Variants in MAP3K5 observed in about 807,000 individuals in gnomAD.
MAP3K5 encodes the protein mitogen-activated protein kinase kinase kinase 5, also known as ASK-1.
Under a neutral mutation model 158.7 loss-of-function variants are expected in MAP3K5, and 56 were observed. The ratio of observed to expected loss-of-function variants is 0.35; its 90% CI spans 0.28 to 0.44. The LOEUF (loss-of-function observed/expected upper bound fraction) is 0.44, where lower values mean the gene tolerates loss of function less well. Among genes scored for constraint, MAP3K5 ranks in the 20% least tolerant of loss-of-function variants. MAP3K5 has a pLI of 1.00. For missense variants in MAP3K5, 1,294 were observed against 1,674.8 expected, an observed-to-expected ratio of 0.77 and a Z score of 3.97; for synonymous variants, 579 against 601.7, an observed-to-expected ratio of 0.96 and a Z score of 0.55.
intron 7 of MAP3K5, among the ~76,000 whole-genome samples, chr6:136,678,457 G>A (rs1474986989): frequency 6.6e-6 from 1 of 151,778 alleles, no homozygotes; most frequent in East Asian, 1.9e-4. Flanking sequence ...TTTAGCAAAA[G>A]GATACATAAA....
In MAP3K5 at chr6:136,707,871, C is replaced by A. The variant is rs6929409; in HGVS notation, c.589-2738G>T. Among the ~76,000 whole-genome samples, 552 of 152,260 alleles carry A rather than the reference C, an allele frequency of 3.6e-3. 3 individuals are homozygous for A. Among genetic ancestry groups the A allele is most frequent in the Middle Eastern group, 0.014 (4 of 294 alleles). On this transcript the variant is annotated intron_variant, in intron 2 of 29. Transcript: ENST00000359015. ...CCTCCATACACTGGAATACATTACA[C>A]CCAAACAAACAATGAAGAACCAAAC... is the stretch of plus-strand genomic sequence containing the variant.
chr6:136,689,074 A>G (rs1356681407), intron 7 of MAP3K5, among the ~76,000 whole-genome samples: 1 of 152,094 alleles, frequency 6.6e-6, no homozygotes, highest in Non-Finnish European at 1.5e-5. Context: ...CTGAGGCAGG[A>G]GGATCACTTG....
intron 7 of MAP3K5, among the ~76,000 whole-genome samples, chr6:136,688,133 G>C (rs1408063724): frequency 2.0e-5 from 3 of 152,134 alleles, no homozygotes; most frequent in Non-Finnish European, 4.4e-5. Context: ...CATGGATGAA[G>C]CTGGAAACCA....
chr6:136,639,503 G>T (rs1217085900), intron 13 of MAP3K5, 40 bp downstream of exon 13: 2 of 1,135,534 alleles, frequency 1.8e-6, no homozygotes, highest in South Asian at 2.7e-5. Context: ...TAATGATCAG[G>T]TAAGAAGAAT....
At chr6:136,596,574 CAT>C (rs558525047) in intron 21 of MAP3K5, among the ~76,000 whole-genome samples, 92 of 152,212 alleles carry the variant, frequency 6.0e-4, no homozygotes, top group African/African-American at 2.1e-3. Context: ...GACATTAGAG[CAT>C]GTGTATATGG....
At chr6:136,644,713 T>G (rs558087066) in intron 11 of MAP3K5, among the ~76,000 whole-genome samples, 42 of 152,346 alleles carry the variant, frequency 2.8e-4, no homozygotes, top group African/African-American at 8.7e-4. Flanking sequence ...AACTGATTAG[T>G]CTAAATTGGC....
chr6:136,561,071 G>T (rs1830490354), intron 28 of MAP3K5, among the ~76,000 whole-genome samples: 1 of 151,458 alleles, frequency 6.6e-6, no homozygotes, highest in Non-Finnish European at 1.5e-5. Flanking sequence ...ACTCTTTCTG[G>T]TTTTCATTTC....
chr6:136,565,349 AG>A (rs540959848), intron 26 of MAP3K5, among the ~76,000 whole-genome samples: 107 of 152,354 alleles, frequency 7.0e-4, no homozygotes, highest in African/African-American at 2.4e-3. Context: ...TTGGATGGGC[AG>A]GGGTGATGAG....
chr6:136,616,224 T>C (rs1174332012), intron 15 of MAP3K5, among the ~76,000 whole-genome samples: 1 of 151,898 alleles, frequency 6.6e-6, no homozygotes, highest in East Asian at 1.9e-4. Context: ...GTAATGACTC[T>C]CAACTATAAG....
At chr6:136,729,127 T>G (rs541349055) in intron 1 of MAP3K5, among the ~76,000 whole-genome samples, 1 of 152,198 alleles carries the variant, frequency 6.6e-6, no homozygotes, top group East Asian at 1.9e-4. Context: ...CCTTCGGAGG[T>G]GACCAGACCA....
At chr6:136,728,200 G>C (rs865849288) in intron 1 of MAP3K5, among the ~76,000 whole-genome samples, 5 of 152,146 alleles carry the variant, frequency 3.3e-5, no homozygotes, top group Non-Finnish European at 5.9e-5. Context: ...AATGGCAGTG[G>C]CTGGTAGTCT....
intron 15 of MAP3K5, among the ~76,000 whole-genome samples, chr6:136,614,532 T>C (rs991714811): frequency 2.0e-5 from 3 of 152,290 alleles, no homozygotes; most frequent in African/African-American, 7.2e-5. Context: ...GAAGGTAGTA[T>C]TGGTATGCCC....
chr6:136,736,979 C>A (rs116378107), intron 1 of MAP3K5, among the ~76,000 whole-genome samples: 1,760 of 148,286 alleles, frequency 0.012, 36 homozygotes, highest in African/African-American at 0.042. Flanking sequence ...CCACTGTGTA[C>A]AGCCATGTTG....
At chr6:136,759,524 G>C (rs1271271503) in intron 1 of MAP3K5, among the ~76,000 whole-genome samples, 1 of 142,922 alleles carries the variant, frequency 7.0e-6, no homozygotes, top group Non-Finnish European at 1.5e-5. Flanking sequence ...AGGCTGGAGT[G>C]TAGTGGCACA....
At chr6:136,600,273 C>T (rs1054696527) in intron 21 of MAP3K5, among the ~76,000 whole-genome samples, 1 of 151,286 alleles carries the variant, frequency 6.6e-6, no homozygotes, top group Non-Finnish European at 1.5e-5. Flanking sequence ...TCACTACAAC[C>T]TCCACCACCC....
Position 136,791,974 on chromosome 6 carries a change from C to G in MAP3K5, c.184G>C (p.Ala62Pro). 1 of 1,608,442 alleles carries G rather than the reference C, an allele frequency of 6.2e-7. No individual in the cohort carries two copies. Among genetic ancestry groups the G allele is most frequent in the Non-Finnish European group, 8.5e-7 (1 of 1,178,224 alleles). The change falls in exon 1 of 30, where the codon GCC becomes CCC. Residue 62 changes from alanine (A) to proline (P), a missense_variant. This residue lies in a region of MAP3K5 where 690 missense variants were observed against 870.5 expected (regional missense o/e 0.79). Coordinates refer to ENST00000359015, the MANE Select transcript of MAP3K5 (RefSeq NM_005923.4). Reference protein sequence around the residue: ...GSFWNVESAAAPGIGCPAATS... With the variant: ...GSFWNVESAAPPGIGCPAATS... The stretch of plus-strand genomic sequence containing the variant: ...GCCGCCGGACAACCGATGCCAGGGG[C>G]AGCGGCGCTCTCCACGTTCCAGAAG...
At chr6:136,590,163 C>T (rs909316285) in intron 23 of MAP3K5, among the ~76,000 whole-genome samples, 4 of 152,150 alleles carry the variant, frequency 2.6e-5, no homozygotes, top group Admixed American at 1.3e-4. Flanking sequence ...CTACTTTCTA[C>T]CACGAGTTGA....
At chr6:136,637,014 A>G (rs966351832) in intron 14 of MAP3K5, 3 of 1,110,592 alleles carry the variant, frequency 2.7e-6, no homozygotes, top group South Asian at 3.6e-5. Context: ...TGAATTGCAC[A>G]TATCTCAGAG....
At chr6:136,732,222 C>T (rs1035888829) in intron 1 of MAP3K5, among the ~76,000 whole-genome samples, 12 of 152,078 alleles carry the variant, frequency 7.9e-5, no homozygotes, top group African/African-American at 2.2e-4. Context: ...GTCAGGAGTT[C>T]GAGACCAGCC....
Sources: gnomAD v4.1 joint callset for allele counts (sites outside exome capture counted in the v4.1 genomes callset) on GRCh38, gnomAD v4.1.1 for gene constraint, gnomAD v4.1.1 regional missense constraint, MANE v1.5 for transcripts, NCBI Gene and HGNC (gene_info 2026-07-23, HGNC 2026-07-21) for gene names.